Variants in PLCB1 observed in about 807,000 individuals in gnomAD.
PLCB1 encodes the protein 1-phosphatidylinositol 4,5-bisphosphate phosphodiesterase beta-1.
Under a neutral mutation model 161.8 loss-of-function variants are expected in PLCB1, and 46 were observed. The ratio of observed to expected loss-of-function variants is 0.28; its 90% CI spans 0.22 to 0.36. The LOEUF (loss-of-function observed/expected upper bound fraction) is 0.36. Ranked by LOEUF, PLCB1 falls within the 10% of genes least tolerant of loss-of-function variation. The probability of loss-of-function intolerance (pLI) is 1.00; values close to 1 mark genes in which losing one functional copy is unlikely to be tolerated. For missense variants in PLCB1, 1,016 were observed against 1,472.5 expected (o/e 0.69, Z 5.07); for synonymous variants, 517 against 503.7 (o/e 1.03, Z -0.35).
At chr20:8,482,873 A>T (rs537693473) in intron 3 of PLCB1, among the ~76,000 whole-genome samples, 1 of 151,024 alleles carries the variant, frequency 6.6e-6, no homozygotes, top group Admixed American at 6.7e-5. Context: ...TATTTGGCAA[A>T]TGTAAGCAGG....
chr20:8,809,465 G>A (rs1984705920), intron 31 of PLCB1, among the ~76,000 whole-genome samples: 1 of 152,042 alleles, frequency 6.6e-6, no homozygotes, highest in African/African-American at 2.4e-5. Flanking sequence ...CTTATTCAAG[G>A]TCACGACTTT....
intron 3 of PLCB1, among the ~76,000 whole-genome samples, chr20:8,437,803 A>T (rs568506427): frequency 2.0e-5 from 3 of 152,316 alleles, no homozygotes; most frequent in African/African-American, 7.2e-5. Flanking sequence ...ATTAGGTAAA[A>T]TTACCAATTA....
At chr20:8,229,674 A>G (rs1979900267) in intron 2 of PLCB1, among the ~76,000 whole-genome samples, 1 of 151,920 alleles carries the variant, frequency 6.6e-6, no homozygotes, top group South Asian at 2.1e-4. Context: ...CTTGCTACTT[A>G]CAGAGTGGTC....
intron 4 of PLCB1, among the ~76,000 whole-genome samples, chr20:8,640,755 G>A (rs1397866732): frequency 6.6e-6 from 1 of 152,190 alleles, no homozygotes; most frequent in Non-Finnish European, 1.5e-5. Context: ...GAATACACCT[G>A]AGACTCCCAG....
chr20:8,656,745 C>T (rs1229121656), intron 7 of PLCB1, among the ~76,000 whole-genome samples: 3 of 149,408 alleles, frequency 2.0e-5, no homozygotes, highest in Non-Finnish European at 4.4e-5. Context: ...CTATGTCTGT[C>T]TCTAGGGTCA....
chr20:8,467,567 A>G (rs940609892), intron 3 of PLCB1, among the ~76,000 whole-genome samples: 1 of 152,182 alleles, frequency 6.6e-6, no homozygotes, highest in Non-Finnish European at 1.5e-5. Flanking sequence ...AAAGCTTATA[A>G]TAAAGGCCTC....
At chr20:8,495,958 G>A (rs1446528783) in intron 3 of PLCB1, among the ~76,000 whole-genome samples, 1 of 152,084 alleles carries the variant, frequency 6.6e-6, no homozygotes, top group African/African-American at 2.4e-5. Context: ...AATCACAATA[G>A]GACATGATCT....
Position 8,882,715 on chromosome 20 carries a change from A to G in PLCB1, c.*866A>G, listed in dbSNP as rs578066889. 1 of 152,292 alleles carries G rather than the reference A, an allele frequency of 6.6e-6. No individual in the cohort carries two copies. The highest frequency in any genetic ancestry group is 1.5e-5 in the Non-Finnish European group (1 of 68,030). The allele number at this position is 152,292 out of a possible 1,614,324, so 9.4% of individuals were successfully genotyped here. On this transcript the variant is annotated 3_prime_UTR_variant, in exon 32 of 32. Coordinates refer to ENST00000338037, the MANE Select transcript of PLCB1 (RefSeq NM_015192.4). ...CTGATATATGTTAAGCAGATATTCA[A>G]TCAGAATGAACAGGTTCCGGTGGTT...
chr20:8,765,316 G>T lies in PLCB1; in HGVS notation c.2888G>T (p.Arg963Ile). The change falls in exon 26 of 32, where the codon AGA becomes ATA. Residue 963 changes from arginine to isoleucine, a missense_variant. Transcript: ENST00000338037. ...NEIQNDYLRR[R>I]AALEKSAKKD... ...ATTCAGAATGACTACTTGAGAAGGAGAGCCGCTTTGGAAAAGTCCGCCAAA... is the reference window on the plus strand; with the variant it reads ...ATTCAGAATGACTACTTGAGAAGGATAGCCGCTTTGGAAAAGTCCGCCAAA... 1 of 1,612,774 alleles carries T rather than the reference G, an allele frequency of 6.2e-7. No homozygotes were observed. Among genetic ancestry groups the T allele is most frequent in the Non-Finnish European group, 8.5e-7 (1 of 1,179,782 alleles).
At chr20:8,270,971 G>T (rs1982251670) in intron 2 of PLCB1, among the ~76,000 whole-genome samples, 1 of 152,096 alleles carries the variant, frequency 6.6e-6, no homozygotes, top group Admixed American at 6.6e-5. Flanking sequence ...AAATATGGAA[G>T]AAATTACCCA....
chr20:8,250,569 A>C (rs968364424), intron 2 of PLCB1, among the ~76,000 whole-genome samples: 27 of 151,876 alleles, frequency 1.8e-4, no homozygotes, highest in Admixed American at 1.8e-3. Context: ...CTTAATCCAC[A>C]GTCTAATAAA....
At chr20:8,192,129 A>G (rs2051976814) in intron 2 of PLCB1, among the ~76,000 whole-genome samples, 1 of 152,058 alleles carries the variant, frequency 6.6e-6, no homozygotes, top group Non-Finnish European at 1.5e-5. Flanking sequence ...TTGGATTTTA[A>G]AAAATGTCAT....
intron 1 of PLCB1, among the ~76,000 whole-genome samples, chr20:8,138,967 A>C (rs1487242374): frequency 1.4e-5 from 2 of 144,308 alleles, no homozygotes; most frequent in Non-Finnish European, 3.1e-5. Context: ...TTATAAATTG[A>C]GTAACAAACT....
In PLCB1 at chr20:8,882,247, C is replaced by CATT. The variant is rs1315394661; in HGVS notation, c.*402_*404dup. On this transcript the variant is annotated 3_prime_UTR_variant, in exon 32 of 32. Coordinates refer to ENST00000338037, the MANE Select transcript of PLCB1 (RefSeq NM_015192.4). ...TAGAAATAGTTTGAGAAATGCATAG[C>CATT]ATTATTTAACACTATTGAACAGCCG... is the stretch of plus-strand genomic sequence containing the variant. 1.0e-5 allele frequency: 2 copies of CATT among 192,482 alleles called. No individual in the cohort carries two copies. The highest frequency in any genetic ancestry group is 2.2e-5 in the Non-Finnish European group (2 of 91,772). The allele number at this position is 192,482 out of a possible 1,614,324, so 11.9% of individuals were successfully genotyped here. A position where few individuals can be genotyped will look rare whatever the true frequency, so the allele number is the denominator to read the frequency against.
At chr20:8,458,864 T>C (rs1180108918) in intron 3 of PLCB1, among the ~76,000 whole-genome samples, 1 of 152,208 alleles carries the variant, frequency 6.6e-6, no homozygotes, top group Non-Finnish European at 1.5e-5. Flanking sequence ...ATAATGTTTG[T>C]ACAGAGCTTG....
intron 9 of PLCB1, among the ~76,000 whole-genome samples, chr20:8,678,911 G>A (rs149335324): frequency 1.3e-5 from 2 of 152,296 alleles, no homozygotes; most frequent in African/African-American, 4.8e-5. Context: ...CTAACTGATT[G>A]CATGGGCTGC....
chr20:8,556,533 C>G (rs965178567), intron 3 of PLCB1, among the ~76,000 whole-genome samples: 6 of 151,898 alleles, frequency 4.0e-5, no homozygotes, highest in African/African-American at 1.2e-4. Context: ...AGGATAGGAC[C>G]TATGCTCAAA....
At chr20:8,250,976 A>G (rs1981111852) in intron 2 of PLCB1, among the ~76,000 whole-genome samples, 1 of 151,986 alleles carries the variant, frequency 6.6e-6, no homozygotes, top group South Asian at 2.1e-4. Context: ...TATTACAACA[A>G]TACCTTAGAC....
chr20:8,396,468 T>G (rs1987770754), intron 3 of PLCB1, among the ~76,000 whole-genome samples: 1 of 152,074 alleles, frequency 6.6e-6, no homozygotes, highest in South Asian at 2.1e-4. Flanking sequence ...AAATAAATTA[T>G]TCGGTTGTAT....
Sources: gnomAD v4.1 joint callset for allele counts (sites outside exome capture counted in the v4.1 genomes callset) on GRCh38, gnomAD v4.1.1 for gene constraint, MANE v1.5 for transcripts, NCBI Gene and HGNC (gene_info 2026-07-23, HGNC 2026-07-21) for gene names.